Variants in VPS35 observed in about 807,000 individuals in gnomAD.
VPS35 encodes VPS35 retromer complex component, also known as vacuolar protein sorting-associated protein 35.
A neutral mutation model predicts 98.1 loss-of-function variants in VPS35; 21 were observed. That is an observed-to-expected ratio of 0.21 (90% CI 0.15 to 0.31). The LOEUF (loss-of-function observed/expected upper bound fraction) is 0.31. Among genes scored for constraint, VPS35 ranks in the 10% least tolerant of loss-of-function variants. The pLI is 1.00. For missense variants in VPS35, 554 were observed against 950.8 expected, an observed-to-expected ratio of 0.58 and a Z score of 5.49; for synonymous variants, 268 against 318.2, an observed-to-expected ratio of 0.84 and a Z score of 1.68.
intron 1 of VPS35, among the ~76,000 whole-genome samples, chr16:46,686,178 T>G (rs1436404978): frequency 6.6e-6 from 1 of 152,168 alleles, no homozygotes; most frequent in Non-Finnish European, 1.5e-5. Flanking sequence ...CCATAATATC[T>G]TCAATGTTCA....
intron 1 of VPS35, among the ~76,000 whole-genome samples, chr16:46,687,645 C>G (rs1361312263): frequency 6.6e-6 from 1 of 151,978 alleles, no homozygotes; most frequent in Non-Finnish European, 1.5e-5. Context: ...CTCTTAAGTT[C>G]GACATTGGTA....
In VPS35 at chr16:46,681,418, G is replaced by A. The variant is rs1319791443; in HGVS notation, c.282C>T (p.Leu94=). 5 of 1,613,762 alleles carry A rather than the reference G, an allele frequency of 3.1e-6. No individual in the cohort carries two copies. The highest frequency in any genetic ancestry group is 4.2e-6 in the Non-Finnish European group (5 of 1,179,760). The change falls in exon 4 of 17, where the codon CTC becomes CTT. Residue 94 remains leucine (L), a synonymous_variant. Coordinates refer to ENST00000299138, the MANE Select transcript of VPS35 (RefSeq NM_018206.6). ...TTCCAGCATACTGTACAAGTTCGTA[G>A]AGATCTGCCACTTTCCTTCCTTTAG... The part of the protein sequence containing the change: ...EFAKGRKVAD[L]YELVQYAGNI...
At chr16:46,677,508 T>C (rs988891351) in intron 6 of VPS35, 110 bp from the exon 7 acceptor site, 8 of 921,352 alleles carry the variant, frequency 8.7e-6, no homozygotes, top group Admixed American at 4.0e-5. Flanking sequence ...TTGAGATTTT[T>C]CTCACCAAGA....
intron 1 of VPS35, 80 bp downstream of exon 1, chr16:46,689,051 C>G: frequency 6.3e-7 from 1 of 1,575,418 alleles, no homozygotes; most frequent in Non-Finnish European, 8.6e-7. Flanking sequence ...CTTCTCCACT[C>G]GCTGGAGTGC....
At chr16:46,680,891 A>G in intron 4 of VPS35, 38 bp from the exon 5 acceptor site, 1 of 1,578,258 alleles carries the variant, frequency 6.3e-7, no homozygotes, top group Non-Finnish European at 8.7e-7. Context: ...TAGAAATAAA[A>G]TATTCAAATC....
At chr16:46,678,436 T>C (rs1966184272) in intron 6 of VPS35, among the ~76,000 whole-genome samples, 1 of 152,144 alleles carries the variant, frequency 6.6e-6, no homozygotes, top group Admixed American at 6.5e-5. Flanking sequence ...GCACATGTCT[T>C]ACAAAGCCAA....
chr16:46,673,540 T>C (rs930559335), intron 10 of VPS35: 2 of 149,494 alleles, frequency 1.3e-5, no homozygotes, highest in African/African-American at 5.2e-5. Context: ...AGGGAACTGC[T>C]GGGGAAGGTA....
At chr16:46,660,834 A>AAC (rs1965902837) in intron 16 of VPS35, 183 bp from the exon 17 acceptor site, 2 of 687,898 alleles carry the variant, frequency 2.9e-6, no homozygotes, top group Non-Finnish European at 5.1e-6. Flanking sequence ...AAAAAAAAAA[A>AAC]AAAAACAACC....
At chr16:46,662,836 T>G in intron 14 of VPS35, 147 bp downstream of exon 14, 1 of 881,076 alleles carries the variant, frequency 1.1e-6, no homozygotes, top group Non-Finnish European at 1.8e-6. Flanking sequence ...ACAACAATAA[T>G]ATTAACAGGT....
chr16:46,657,249 C>A lies in VPS35; in HGVS notation c.*3223G>T, dbSNP rs566134443. The A allele has an allele frequency of 6.6e-5, 10 of 152,324 alleles. No individual in the cohort carries two copies. Among genetic ancestry groups the A allele is most frequent in the Non-Finnish European group, 1.2e-4 (8 of 68,040 alleles). The allele number at this position is 152,324 out of a possible 1,614,324, so 9.4% of individuals were successfully genotyped here. A position where few individuals can be genotyped will look rare whatever the true frequency, so the allele number is the denominator to read the frequency against. The stretch of plus-strand genomic sequence containing the variant: ...GCCTACAGCATCCCCATAGGACAAA[C>A]CCCAGCAAACAGGAAGGTCTCCTGC... On this transcript the variant is annotated 3_prime_UTR_variant, in exon 17 of 17. Transcript: ENST00000299138.
rs552100339 is a variant in VPS35, at chr16:46,676,982, T to C, written c.805-290A>G. Among the ~76,000 whole-genome samples, 7 of 152,066 alleles carry C rather than the reference T, an allele frequency of 4.6e-5. No homozygotes were observed. The East Asian group carries it at 5.8e-4, about 13-fold the overall frequency. On this transcript the variant is annotated intron_variant, in intron 7 of 16. Transcript: ENST00000299138. ...TTGATACAAAGACCAAGGTATAAGTTAGAAACAGAAAATTCCTATTTTTAA... is the reference window on the plus strand; with the variant it reads ...TTGATACAAAGACCAAGGTATAAGTCAGAAACAGAAAATTCCTATTTTTAA...
chr16:46,675,800 C>G (rs1966140929), intron 8 of VPS35, among the ~76,000 whole-genome samples: 1 of 152,130 alleles, frequency 6.6e-6, no homozygotes, highest in East Asian at 1.9e-4. Context: ...CGCAGTGGCT[C>G]ATGTCTGTAA....
At chr16:46,683,439 G>C in intron 2 of VPS35, 69 bp downstream of exon 2, 1 of 1,410,728 alleles carries the variant, frequency 7.1e-7, no homozygotes, top group Non-Finnish European at 1.0e-6. Flanking sequence ...CCTGACTCTA[G>C]AAGACACTGC....
intron 13 of VPS35, among the ~76,000 whole-genome samples, chr16:46,663,862 A>ATTTTTTTTT (rs546485076): frequency 0.25 from 7,257 of 28,640 alleles, 2,823 homozygotes; most frequent in Non-Finnish European, 0.31. Context: ...CACCTGGCTA[A>ATTTTTTTTT]TTTTTTTTTT....
Position 46,659,174 on chromosome 16 carries a change from G to C in VPS35, c.*1298C>G, listed in dbSNP as rs1389576855. 1 of 152,214 alleles carries C rather than the reference G, an allele frequency of 6.6e-6. No homozygotes were observed. The highest frequency in any genetic ancestry group is 1.9e-4 in the East Asian group (1 of 5,180). 9.4% of individuals were successfully genotyped at this position (152,214 alleles called of 1,614,324 possible). A position where few individuals can be genotyped will look rare whatever the true frequency, so the allele number is the denominator to read the frequency against. ...CTCTGCCCTCAAGGAGAGGAACTGG[G>C]GCCTCTGCCCTCAAGAAGAGGAACT... is the stretch of plus-strand genomic sequence containing the variant. On this transcript the variant is annotated 3_prime_UTR_variant, in exon 17 of 17. Transcript: ENST00000299138.
At chr16:46,681,649 G>C in intron 3 of VPS35, 149 bp from the exon 4 acceptor site, 1 of 931,024 alleles carries the variant, frequency 1.1e-6, no homozygotes, top group Non-Finnish European at 1.6e-6. Context: ...ATTTTAGCCG[G>C]ACTTTTCTTA....
At chr16:46,666,501 C>T (rs931835228) in intron 13 of VPS35, among the ~76,000 whole-genome samples, 5 of 152,170 alleles carry the variant, frequency 3.3e-5, no homozygotes, top group African/African-American at 1.2e-4. Context: ...CTCCCGACCT[C>T]AGGTGAACCG....
At chr16:46,667,610 C>G (rs917894609) in intron 13 of VPS35, among the ~76,000 whole-genome samples, 5 of 152,016 alleles carry the variant, frequency 3.3e-5, no homozygotes, top group African/African-American at 1.2e-4. Flanking sequence ...AAATCATTGA[C>G]CAATGACAAG....
chr16:46,679,054 G>A lies in VPS35; in HGVS notation c.609C>T (p.Ser203=), dbSNP rs755273544. ...LWVRMQHQGH[S]RDREKRERER... ...CTCGTTCTCTTTTTTCTCTATCTCG[G>A]CTATGTCCCTGATGCTGCATTCGCA... Residue 203 remains serine (S), a synonymous_variant, in exon 6 of 17, where the codon AGC becomes AGT. Transcript: ENST00000299138. The A allele has an allele frequency of 6.2e-7, 1 of 1,613,796 alleles. No homozygotes were observed. Among genetic ancestry groups the A allele is most frequent in the Non-Finnish European group, 8.5e-7 (1 of 1,180,000 alleles).
Sources: allele counts gnomAD v4.1 joint callset (sites outside exome capture counted in the v4.1 genomes callset), GRCh38; gene constraint gnomAD v4.1.1; transcripts MANE v1.5; gene names NCBI Gene and HGNC (gene_info 2026-07-23, HGNC 2026-07-21).